Variants in KIF19 observed in about 807,000 individuals in gnomAD.
KIF19 encodes kinesin-like protein KIF19.
Under a neutral mutation model 106.6 loss-of-function variants are expected in KIF19, and 98 were observed. The ratio of observed to expected loss-of-function variants is 0.92; its 90% CI spans 0.78 to 1.09. The LOEUF (loss-of-function observed/expected upper bound fraction) is 1.09, where lower values mean the gene tolerates loss of function less well. Ranked by LOEUF, KIF19 falls within the 50% of genes least tolerant of loss-of-function variation. The pLI is 0.00. For missense variants in KIF19, 1,373 were observed against 1,414.3 expected, an observed-to-expected ratio of 0.97 and a Z score of 0.47; for synonymous variants, 516 against 584.2, an observed-to-expected ratio of 0.88 and a Z score of 1.68.
At chr17:74,344,715 C>A in intron 6 of KIF19, 46 bp from the exon 7 acceptor site, 2 of 1,556,828 alleles carry the variant, frequency 1.3e-6, no homozygotes, top group South Asian at 1.2e-5. Flanking sequence ...TCTGCCGGAG[C>A]ACCTACGGCA....
At chr17:74,353,044 C>G in intron 15 of KIF19, 90 bp downstream of exon 15, 1 of 1,525,590 alleles carries the variant, frequency 6.6e-7, no homozygotes, top group Admixed American at 1.8e-5. Flanking sequence ...GAACACAGAG[C>G]AGCAATGAGA....
Position 74,355,213 on chromosome 17 carries a change from C to G in KIF19, c.2898C>G (p.Pro966=), listed in dbSNP as rs373704208. 4.0e-4 allele frequency: 647 copies of G among 1,611,864 alleles called. 6 individuals carry two copies. The South Asian group carries it at 6.9e-3, about 17-fold the overall frequency. Residue 966 remains proline (P), a synonymous_variant, in exon 20 of 20, where the codon CCC becomes CCG. Coordinates refer to ENST00000389916, the MANE Select transcript of KIF19 (RefSeq NM_153209.4). ...GGGACTCCTCACCCCTGGCTGTTCCCCCCAACCCAGGTGGTGGTTCTCGAC... is the reference window on the plus strand; with the variant it reads ...GGGACTCCTCACCCCTGGCTGTTCCGCCCAACCCAGGTGGTGGTTCTCGAC... ...GPGDSSPLAV[P]PNPGGGSRRA...
At position 74,326,291 on chromosome 17, in the gene KIF19, G is replaced by C; in HGVS notation, c.-59G>C. 3.3e-6 allele frequency: 5 copies of C among 1,532,814 alleles called. No homozygotes were observed. Among genetic ancestry groups the C allele is most frequent in the African/African-American group, 1.4e-5 (1 of 70,720 alleles). The allele number at this position is 1,532,814 out of a possible 1,614,324, so 95.0% of individuals were successfully genotyped here. A position where few individuals can be genotyped will look rare whatever the true frequency, so the allele number is the denominator to read the frequency against. On this transcript the variant is annotated 5_prime_UTR_variant, in exon 1 of 20. Coordinates refer to ENST00000389916, the MANE Select transcript of KIF19 (RefSeq NM_153209.4). Reference sequence around the variant, plus strand: ...CTGGCGGACGCGACCCGGAGGCGGTGGGGGTGCGGCTGAGCCATGCCCGGT... The same window carrying C: ...CTGGCGGACGCGACCCGGAGGCGGTCGGGGTGCGGCTGAGCCATGCCCGGT...
chr17:74,326,482 A>C lies in KIF19; in HGVS notation c.39+94A>C. 5.8e-6 allele frequency: 7 copies of C among 1,213,242 alleles called. No individual in the cohort carries two copies. In the South Asian group the frequency reaches 9.1e-5, roughly 16 times the overall value. 75.2% of individuals were successfully genotyped at this position (1,213,242 alleles called of 1,614,324 possible). A position where few individuals can be genotyped will look rare whatever the true frequency, so the allele number is the denominator to read the frequency against. ...AGTCCTGTCCCCTCGCCGCCACCCCACTGAGAGGACAGGCAACGACCAGGG... is the reference window on the plus strand; with the variant it reads ...AGTCCTGTCCCCTCGCCGCCACCCCCCTGAGAGGACAGGCAACGACCAGGG... On this transcript the variant is annotated intron_variant, in intron 1 of 19. Coordinates refer to ENST00000389916, the MANE Select transcript of KIF19 (RefSeq NM_153209.4).
intron 2 of KIF19, among the ~76,000 whole-genome samples, chr17:74,337,975 C>T (rs1052055590): frequency 6.6e-6 from 1 of 152,254 alleles, no homozygotes; most frequent in African/African-American, 2.4e-5. Flanking sequence ...AGACAAAGCC[C>T]TCTTTAAGCG....
rs1194869391 is a variant in KIF19, at chr17:74,355,572, T to C, written c.*260T>C. ...GGCTTCCCAGCCCTGGACAGAATGC[T>C]GTTGCCAAAACCTGCACAGCCCTGA... On this transcript the variant is annotated 3_prime_UTR_variant, in exon 20 of 20. Coordinates refer to ENST00000389916, the MANE Select transcript of KIF19 (RefSeq NM_153209.4). 2.5e-6 allele frequency: 1 copy of C among 394,878 alleles called. No individual in the cohort carries two copies. Among genetic ancestry groups the C allele is most frequent in the African/African-American group, 2.2e-5 (1 of 46,298 alleles). 24.5% of individuals were successfully genotyped at this position (394,878 alleles called of 1,614,324 possible).
chr17:74,351,724 C>G, intron 12 of KIF19, 143 bp from the exon 13 acceptor site: 1 of 985,724 alleles, frequency 1.0e-6, no homozygotes, highest in Non-Finnish European at 1.4e-6. Context: ...TTGTAAGGCC[C>G]AAGATTCAGC....
chr17:74,344,162 T>C lies in KIF19; in HGVS notation c.457-61T>C, dbSNP rs1392005759. ...CACGAAAGGAAAGGGGACTCAGCCC[T>C]GGCCTTGACCTCCTGCCCTTAGTCT... On this transcript the variant is annotated intron_variant, in intron 5 of 19. Transcript: ENST00000389916. The C allele has an allele frequency of 3.3e-6, 5 of 1,524,206 alleles. No homozygotes were observed. The African/African-American group carries it at 4.2e-5, about 13-fold the overall frequency. 94.4% of individuals were successfully genotyped at this position (1,524,206 alleles called of 1,614,324 possible).
In KIF19 at chr17:74,341,756, G is replaced by C. The variant is rs532688377; in HGVS notation, c.121-120G>C. ...CGACGAGGGCTAGATTCAGAGCCCA[G>C]AAGGGCTTTGTTAACTCTGATCGAC... On this transcript the variant is annotated intron_variant, in intron 2 of 19. Coordinates refer to ENST00000389916, the MANE Select transcript of KIF19 (RefSeq NM_153209.4). The C allele has an allele frequency of 1.8e-4, 134 of 731,406 alleles. 1 individual carries two copies. In the African/African-American group the frequency reaches 2.2e-3, roughly 12 times the overall value. The allele number at this position is 731,406 out of a possible 1,614,324, so 45.3% of individuals were successfully genotyped here.
intron 6 of KIF19, 79 bp downstream of exon 6, chr17:74,344,427 C>G (rs1239203074): frequency 5.8e-6 from 9 of 1,546,890 alleles, no homozygotes; most frequent in African/African-American, 1.4e-5. Context: ...GGACAGAAGC[C>G]AGGGAGCTGC....
intron 1 of KIF19, among the ~76,000 whole-genome samples, chr17:74,328,003 G>A (rs546065522): frequency 1.3e-5 from 2 of 152,194 alleles, no homozygotes; most frequent in Non-Finnish European, 2.9e-5. Context: ...GGGATGATGG[G>A]GGACATTCCC....
chr17:74,342,723 G>A lies in KIF19; in HGVS notation c.319+6G>A. On this transcript the variant is annotated splice_donor_region_variant and intron_variant, in intron 4 of 19. Transcript: ENST00000389916. ...CTTTGCCTATGGCCCCACAGGTAAG[G>A]GGAATGCCCAGACTGTGGGCGAGGA... The A allele has an allele frequency of 6.2e-7, 1 of 1,612,614 alleles. No homozygotes were observed. Among genetic ancestry groups the A allele is most frequent in the Non-Finnish European group, 8.5e-7 (1 of 1,178,938 alleles).
chr17:74,351,502 T>A (rs886758008), intron 12 of KIF19, among the ~76,000 whole-genome samples: 6 of 151,498 alleles, frequency 4.0e-5, no homozygotes, highest in African/African-American at 7.3e-5. Context: ...AAAAGAAAAA[T>A]AATAATAATA....
chr17:74,347,899 G>T lies in KIF19; in HGVS notation c.1047G>T (p.Arg349Ser). 1.3e-6 allele frequency: 2 copies of T among 1,579,520 alleles called. No homozygotes were observed. ...GCCGGGCCAAGAACATTAAGACTAGGGTGAGGGCCCCTGGACCGTCCACCA... is the reference window on the plus strand; with the variant it reads ...GCCGGGCCAAGAACATTAAGACTAGTGTGAGGGCCCCTGGACCGTCCACCA... ...YAGRAKNIKT[R>S]VKQNLLNVSY... Residue 349 changes from arginine (R) to serine (S), a missense_variant and splice_region_variant, in exon 9 of 20, where the codon AGG becomes AGT. Arg to Ser is a moderately radical substitution (Grantham distance 110). This residue lies in a region of KIF19 where 1,020 missense variants were observed against 1,008.2 expected (regional missense o/e 1.01). Transcript: ENST00000389916.
chr17:74,327,165 C>T (rs920167120), intron 1 of KIF19, among the ~76,000 whole-genome samples: 15 of 152,186 alleles, frequency 9.9e-5, no homozygotes, highest in Non-Finnish European at 2.9e-5. Flanking sequence ...GAAGGGCCCT[C>T]ATCACCAGAA....
intron 3 of KIF19, 60 bp from the exon 4 acceptor site, chr17:74,342,570 T>G: frequency 7.7e-7 from 1 of 1,301,354 alleles, no homozygotes; most frequent in Non-Finnish European, 1.1e-6. Flanking sequence ...GAAGAGCCAG[T>G]GGGTGCCTGT....
Position 74,354,928 on chromosome 17 carries a change from A to C in KIF19, c.2853A>C (p.Pro951=). 6.3e-7 allele frequency: 1 copy of C among 1,580,566 alleles called. No homozygotes were observed. Among genetic ancestry groups the C allele is most frequent in the Non-Finnish European group, 8.6e-7 (1 of 1,163,542 alleles). The change falls in exon 19 of 20, where the codon CCA becomes CCC. Residue 951 remains proline (P), a synonymous_variant. Transcript: ENST00000389916. ...TLPLAKVKLP[P]SQNTGPGDSS... ...CTTTGGCCAAAGTCAAACTCCCTCC[A>C]AGCCAGAACACGGGTCAGTATGGGC... is the stretch of plus-strand genomic sequence containing the variant.
At chr17:74,349,611 C>T (rs1014272046) in intron 10 of KIF19, among the ~76,000 whole-genome samples, 2 of 152,234 alleles carry the variant, frequency 1.3e-5, no homozygotes, top group South Asian at 2.1e-4. Flanking sequence ...GGGAGAGGCA[C>T]GTGAGCAATG....
chr17:74,327,932 G>A (rs1179657622), intron 1 of KIF19, among the ~76,000 whole-genome samples: 1 of 152,220 alleles, frequency 6.6e-6, no homozygotes, highest in African/African-American at 2.4e-5. Flanking sequence ...AGGACAGGCA[G>A]ATGGGGGTGG....
Sources: gnomAD v4.1 joint callset for allele counts (sites outside exome capture counted in the v4.1 genomes callset) on GRCh38, gnomAD v4.1.1 for gene constraint, gnomAD v4.1.1 regional missense constraint, MANE v1.5 for transcripts, NCBI Gene and HGNC (gene_info 2026-07-23, HGNC 2026-07-21) for gene names.